Variants in ACO2 observed in about 807,000 individuals in gnomAD.
The protein encoded by ACO2 is aconitase 2.
A neutral mutation model predicts 84.5 loss-of-function variants in ACO2; 31 were observed. The observed-to-expected ratio is 0.37, with a 90% CI of 0.28 to 0.50. ACO2 has a LOEUF of 0.50. Ranked by LOEUF, ACO2 falls within the 20% of genes least tolerant of loss-of-function variation. The pLI, the probability that ACO2 is intolerant of heterozygous loss-of-function variation, is 0.97. For missense variants in ACO2, 685 were observed against 1,029.3 expected, an observed-to-expected ratio of 0.67 and a Z score of 4.58; for synonymous variants, 414 against 412.7, an observed-to-expected ratio of 1.00 and a Z score of -0.04.
rs1269939041 is a variant in ACO2 at position 41,508,225 on chromosome 22, A to T, written c.432+176A>T. On this transcript the variant is annotated intron_variant, in intron 3 of 17. Coordinates refer to ENST00000216254, the MANE Select transcript of ACO2 (RefSeq NM_001098.3). The stretch of plus-strand genomic sequence containing the variant: ...TTTCTAAAAATAGCACTTGCTCATT[A>T]TGTTAAAAAATACAGAGGAAGCCTA... Among the ~76,000 whole-genome samples, 4 of 152,262 alleles carry T rather than the reference A, an allele frequency of 2.6e-5. No homozygotes were observed. The East Asian group carries it at 7.7e-4, about 29-fold the overall frequency.
At chr22:41,504,260 G>T (rs1034829546) in intron 2 of ACO2, among the ~76,000 whole-genome samples, 4 of 152,138 alleles carry the variant, frequency 2.6e-5, no homozygotes, top group African/African-American at 9.7e-5. Context: ...TCTATTCTAA[G>T]AATTTTTTAG....
At chr22:41,473,962 G>GTGAA (rs1189869610) in intron 1 of ACO2, among the ~76,000 whole-genome samples, 2 of 152,138 alleles carry the variant, frequency 1.3e-5, no homozygotes, top group Admixed American at 6.6e-5. Flanking sequence ...TCCAAGTGTA[G>GTGAA]TGAAAACTGG....
At chr22:41,494,543 C>A (rs2066298096) in intron 1 of ACO2, among the ~76,000 whole-genome samples, 1 of 151,016 alleles carries the variant, frequency 6.6e-6, no homozygotes, top group African/African-American at 2.4e-5. Flanking sequence ...TCCTGAGTAG[C>A]TGGGATTACA....
rs1319602110 is a variant in ACO2, at chr22:41,499,712, G to A, written c.37-14G>A. 6.2e-7 allele frequency: 1 copy of A among 1,610,158 alleles called. No individual in the cohort carries two copies. The highest frequency in any genetic ancestry group is 1.3e-5 in the African/African-American group (1 of 74,988). On this transcript the variant is annotated splice_polypyrimidine_tract_variant and intron_variant, in intron 1 of 17. Coordinates refer to ENST00000216254, the MANE Select transcript of ACO2 (RefSeq NM_001098.3). ...GTGCTCCATTGACAGTGGCTGTCATGTTTCTTCTTGCAGAAAGCTCTGGGT... is the reference window on the plus strand; with the variant it reads ...GTGCTCCATTGACAGTGGCTGTCATATTTCTTCTTGCAGAAAGCTCTGGGT...
At chr22:41,469,970 T>C (rs2037923583) in intron 1 of ACO2, among the ~76,000 whole-genome samples, 1 of 152,182 alleles carries the variant, frequency 6.6e-6, no homozygotes, top group African/African-American at 2.4e-5. Flanking sequence ...CTCACAGAAC[T>C]TTATGAACCA....
At position 41,515,253 on chromosome 22, in the gene ACO2, G is replaced by A. The variant is rs2066466758; in HGVS notation, c.526-124G>A. Reference sequence around the variant, plus strand: ...GAGACGGCCTGGATTAAATGGGGCTGCTCCTACCAGTTCCATCCTGGGAGA... The same window carrying A: ...GAGACGGCCTGGATTAAATGGGGCTACTCCTACCAGTTCCATCCTGGGAGA... On this transcript the variant is annotated intron_variant, in intron 4 of 17. Coordinates refer to ENST00000216254, the MANE Select transcript of ACO2 (RefSeq NM_001098.3). The surrounding 1 kb of genome is among the most constrained non-coding windows in gnomAD (Gnocchi z 5.8). 3 of 1,171,050 alleles carry A rather than the reference G, an allele frequency of 2.6e-6. No homozygotes were observed. The highest frequency in any genetic ancestry group is 3.0e-5 in the African/African-American group (2 of 66,098). 72.5% of individuals were successfully genotyped at this position (1,171,050 alleles called of 1,614,324 possible).
In ACO2 at chr22:41,515,675, C is replaced by T. The variant is rs2066470449; in HGVS notation, c.685-92C>T. 1 of 1,601,290 alleles carries T rather than the reference C, an allele frequency of 6.2e-7. No homozygotes were observed. Among genetic ancestry groups the T allele is most frequent in the African/African-American group, 1.3e-5 (1 of 74,708 alleles). On this transcript the variant is annotated intron_variant, in intron 5 of 17. Transcript: ENST00000216254. The surrounding 1 kb of genome is among the most constrained non-coding windows in gnomAD (Gnocchi z 5.8). ...TGGGAGGGAGGTAGAGACCAATAAG[C>T]AGCAATGTGAATGGCAGCAGGGCCA...
intron 17 of ACO2, 114 bp from the exon 18 acceptor site, chr22:41,528,365 T>C: frequency 6.9e-7 from 1 of 1,446,354 alleles, no homozygotes; most frequent in Admixed American, 2.2e-5. Flanking sequence ...TAGGATTTGG[T>C]TTGCCTGCTG....
Position 41,515,792 on chromosome 22 carries a change from C to T in ACO2, c.710C>T (p.Ser237Phe). 3 of 1,614,004 alleles carry T rather than the reference C, an allele frequency of 1.9e-6. No individual in the cohort carries two copies. Among genetic ancestry groups the T allele is most frequent in the Non-Finnish European group, 2.5e-6 (3 of 1,180,036 alleles). Residue 237 changes from serine to phenylalanine, a missense_variant, in exon 6 of 18, where the codon TCT becomes TTT. This residue lies in a region of ACO2 where 311 missense variants were observed against 441.6 expected (regional missense o/e 0.70). Coordinates refer to ENST00000216254, the MANE Select transcript of ACO2 (RefSeq NM_001098.3). This position sits in a 1 kb window ranked among gnomAD's most constrained non-coding sequence, Gnocchi z 5.8. ...PKVIGVKLTG[S>F]LSGWSSPKDV... is the part of the protein sequence containing the mutation. Reference sequence around the variant, plus strand: ...GTGATTGGCGTGAAGCTGACGGGCTCTCTCTCCGGTTGGTCCTCACCCAAA... The same window carrying T: ...GTGATTGGCGTGAAGCTGACGGGCTTTCTCTCCGGTTGGTCCTCACCCAAA...
At chr22:41,475,891 C>CT (rs1331774507) in intron 1 of ACO2, among the ~76,000 whole-genome samples, 1 of 136,922 alleles carries the variant, frequency 7.3e-6, no homozygotes, top group Non-Finnish European at 1.6e-5. Context: ...GGGTGAAACT[C>CT]TGTCTCAAAA....
chr22:41,528,316 CACCTGGGTCTG>C (rs1481938670), intron 17 of ACO2, 152 bp from the exon 18 acceptor site: 5 of 1,057,142 alleles, frequency 4.7e-6, no homozygotes, highest in East Asian at 5.2e-5. Context: ...CTGTAGGTGC[CACCTGGGTCTG>C]ACCTGGGCCA....
At chr22:41,493,788 G>T (rs978771277) in intron 1 of ACO2, among the ~76,000 whole-genome samples, 10 of 152,272 alleles carry the variant, frequency 6.6e-5, no homozygotes, top group Admixed American at 2.6e-4. Context: ...GCCAGGCGCG[G>T]TGGCTCACAC....
At chr22:41,495,025 C>T (rs994746495) in intron 1 of ACO2, among the ~76,000 whole-genome samples, 3 of 151,400 alleles carry the variant, frequency 2.0e-5, no homozygotes, top group Admixed American at 6.6e-5. Context: ...TGAGTCTCCA[C>T]GCCCAGCCTG....
At chr22:41,470,664 T>A (rs919278960) in intron 1 of ACO2, among the ~76,000 whole-genome samples, 1 of 151,382 alleles carries the variant, frequency 6.6e-6, no homozygotes, top group African/African-American at 2.4e-5. Flanking sequence ...GCCCTCAGCT[T>A]CCCGAGTAGC....
Position 41,524,986 on chromosome 22 carries a change from CT to C in ACO2, c.1605+19del, listed in dbSNP as rs1393610740. 6.2e-7 allele frequency: 1 copy of C among 1,614,042 alleles called. No individual in the cohort carries two copies. Among genetic ancestry groups the C allele is most frequent in the East Asian group, 2.2e-5 (1 of 44,894 alleles). On this transcript the variant is annotated intron_variant, in intron 13 of 17. Coordinates refer to ENST00000216254, the MANE Select transcript of ACO2 (RefSeq NM_001098.3). ...CCAAAGGGGTGAGCGCCCACGCCCC[CT>C]GCTTGCTGGTTGCTGTGTGGCCACG... is the stretch of plus-strand genomic sequence containing the variant.
At chr22:41,507,681 C>A (rs1228160445) in intron 2 of ACO2, 110 bp from the exon 3 acceptor site, 1 of 1,461,134 alleles carries the variant, frequency 6.8e-7, no homozygotes, top group African/African-American at 1.4e-5. Context: ...AGTTCAGACT[C>A]CCTGTCCCTG....
At chr22:41,501,970 C>G (rs2066356755) in intron 2 of ACO2, among the ~76,000 whole-genome samples, 1 of 152,138 alleles carries the variant, frequency 6.6e-6, no homozygotes. Context: ...CACATTATTT[C>G]TGTTCTCAAC....
At chr22:41,510,156 G>T (rs1023665832) in intron 3 of ACO2, among the ~76,000 whole-genome samples, 1 of 152,010 alleles carries the variant, frequency 6.6e-6, no homozygotes, top group Non-Finnish European at 1.5e-5. Flanking sequence ...TCATTATTAC[G>T]TGTATTTGTA....
chr22:41,527,251 C>T (rs765357270), intron 15 of ACO2, 37 bp from the exon 16 acceptor site: 1 of 1,613,646 alleles, frequency 6.2e-7, no homozygotes, highest in South Asian at 1.1e-5. Flanking sequence ...ACGGTGCCCT[C>T]CTCTGCCTTA....
Sources: allele counts gnomAD v4.1 joint callset (sites outside exome capture counted in the v4.1 genomes callset), GRCh38; gene constraint gnomAD v4.1.1; regional missense constraint gnomAD v4.1.1; non-coding constraint Gnocchi (gnomAD v3.1); transcripts MANE v1.5; gene names NCBI Gene and HGNC (gene_info 2026-07-23, HGNC 2026-07-21).